MEIOB: variants seen among roughly 807,000 people sequenced by gnomAD.
MEIOB encodes the protein meiosis-specific with OB domain-containing protein.
A neutral mutation model predicts 53.1 loss-of-function variants in MEIOB; 50 were observed. The ratio of observed to expected loss-of-function variants is 0.94; its 90% CI spans 0.75 to 1.19. The LOEUF (loss-of-function observed/expected upper bound fraction) is 1.19. Among genes scored for constraint, MEIOB ranks in the 50% most tolerant of loss-of-function variants. The probability of loss-of-function intolerance (pLI) is 0.00; values close to 1 mark genes in which losing one functional copy is unlikely to be tolerated. For missense variants in MEIOB, 551 were observed against 550.8 expected, an observed-to-expected ratio of 1.00 and a Z score of 0.00; for synonymous variants, 192 against 182.5, an observed-to-expected ratio of 1.05 and a Z score of -0.42.
In MEIOB at chr16:1,854,136, A is replaced by T; in HGVS notation, c.593T>A (p.Leu198His). ...RRKGQRCEVRLYDETESSFAM... is the reference protein window; with the variant it reads ...RRKGQRCEVRHYDETESSFAM... Reference sequence around the variant, plus strand: ...AAAAGACGACTCTGTTTCATCATAGAGTCTAACTTCACACCTCTGGCCTTT... The same window carrying T: ...AAAAGACGACTCTGTTTCATCATAGTGTCTAACTTCACACCTCTGGCCTTT... Residue 198 changes from leucine (L) to histidine (H), a missense_variant, in exon 7 of 14, where the codon CTC becomes CAC. By Grantham distance (99) the Leu-to-His change is moderately conservative. Coordinates refer to ENST00000325962, the MANE Select transcript of MEIOB (RefSeq NM_001163560.3). 6.4e-7 allele frequency: 1 copy of T among 1,551,318 alleles called. No homozygotes were observed. The highest frequency in any genetic ancestry group is 8.7e-7 in the Non-Finnish European group (1 of 1,146,840).
chr16:1,859,854 G>C (rs775101438), intron 5 of MEIOB, among the ~76,000 whole-genome samples: 1 of 152,146 alleles, frequency 6.6e-6, no homozygotes, highest in African/African-American at 2.4e-5. Context: ...TTGGGGAGTG[G>C]ATGGACTACA....
At chr16:1,865,666 T>A (rs1016862497) in intron 3 of MEIOB, 112 bp downstream of exon 3, 9 of 721,916 alleles carry the variant, frequency 1.2e-5, no homozygotes, top group Admixed American at 9.1e-5. Flanking sequence ...GCATGACCAT[T>A]GCTCTTAAGG....
chr16:1,855,930 CCT>C (rs1491202345), intron 6 of MEIOB, among the ~76,000 whole-genome samples: 3 of 62,610 alleles, frequency 4.8e-5, no homozygotes, highest in African/African-American at 3.2e-4. Flanking sequence ...TGTGTTTTTT[CCT>C]TTTTTTTTTT....
chr16:1,843,769 A>T (rs1204771173), intron 10 of MEIOB, among the ~76,000 whole-genome samples: 1 of 151,926 alleles, frequency 6.6e-6, no homozygotes, highest in African/African-American at 2.4e-5. Flanking sequence ...ATTAGTGAGG[A>T]TGTGAAGCAA....
At chr16:1,851,871 G>A (rs1899180068) in intron 9 of MEIOB, among the ~76,000 whole-genome samples, 1 of 152,148 alleles carries the variant, frequency 6.6e-6, no homozygotes, top group East Asian at 1.9e-4. Flanking sequence ...GATGGCAAAG[G>A]ATTGATTACT....
In MEIOB at chr16:1,862,005, C is replaced by G. The variant is rs1378429517; in HGVS notation, c.239G>C (p.Ser80Thr). 1.3e-6 allele frequency: 2 copies of G among 1,551,082 alleles called. No homozygotes were observed. Among genetic ancestry groups the G allele is most frequent in the Non-Finnish European group, 1.7e-6 (2 of 1,146,776 alleles). ...CTTACCACAGTCACCAACCCTAAAG[C>G]TGTCAGAAAGAGACTTGATGTAATC... ...NEDYIKSLSD[S>T]FRVGDCVIIE... The change falls in exon 4 of 14, where the codon AGC becomes ACC. Residue 80 changes from serine to threonine, a missense_variant. Physicochemically the swap from Ser to Thr is moderately conservative, Grantham distance 58 (BLOSUM62 1). Transcript: ENST00000325962.
intron 4 of MEIOB, among the ~76,000 whole-genome samples, 185 bp downstream of exon 4, chr16:1,861,800 G>T (rs1421832975): frequency 6.6e-6 from 1 of 152,066 alleles, no homozygotes; most frequent in Non-Finnish European, 1.5e-5. Flanking sequence ...CTCCCAAAGT[G>T]TTGGGATTAC....
chr16:1,838,290 A>G (rs1898803098), intron 12 of MEIOB, among the ~76,000 whole-genome samples: 1 of 152,114 alleles, frequency 6.6e-6, no homozygotes, highest in Non-Finnish European at 1.5e-5. Context: ...GTGACCCACT[A>G]TGCCCAGCCA....
chr16:1,863,130 A>G (rs1899489584), intron 3 of MEIOB, among the ~76,000 whole-genome samples: 1 of 151,840 alleles, frequency 6.6e-6, no homozygotes. Context: ...GCTGAGGAGG[A>G]AAGGTTGCTT....
chr16:1,860,565 C>A (rs1248519816), intron 4 of MEIOB, 90 bp from the exon 5 acceptor site: 355 of 684,452 alleles, frequency 5.2e-4, no homozygotes, highest in Non-Finnish European at 6.1e-4. Context: ...AATTTATGAT[C>A]ATCATCGACT....
chr16:1,864,482 CTTTTCT>C (rs1342787468), intron 3 of MEIOB, among the ~76,000 whole-genome samples: 62 of 35,404 alleles, frequency 1.8e-3, no homozygotes, highest in African/African-American at 6.3e-3. Flanking sequence ...ATTTCTTTTT[CTTTTCT>C]TTTTTTTTTT....
In MEIOB at chr16:1,867,462, ATTTTTTTTT is replaced by A. The variant is rs869208139; in HGVS notation, c.69+636_69+644del. On this transcript the variant is annotated intron_variant, in intron 2 of 13. Coordinates refer to ENST00000325962, the MANE Select transcript of MEIOB (RefSeq NM_001163560.3). The stretch of plus-strand genomic sequence containing the variant: ...TGCTACTGCTGAACAAAATGGTTTA[ATTTTTTTTT>A]TTTTTTTTTTTTTTTTTTTTTTCAG... Among the ~76,000 whole-genome samples the A allele has an allele frequency of 1.7e-3, 171 of 102,946 alleles. 2 individuals are homozygous for A. The highest frequency in any genetic ancestry group is 1.1e-3 in the Admixed American group (9 of 8,008). The allele number at this position is 102,946 out of a possible 152,430, so 67.5% of individuals were successfully genotyped here.
At chr16:1,853,841 T>C (rs572046850) in intron 7 of MEIOB, among the ~76,000 whole-genome samples, 1 of 152,110 alleles carries the variant, frequency 6.6e-6, no homozygotes, top group South Asian at 2.1e-4. Flanking sequence ...AAAACATCAT[T>C]TGTTACACGA....
intron 13 of MEIOB, among the ~76,000 whole-genome samples, chr16:1,837,356 C>A (rs1442274191): frequency 6.6e-6 from 1 of 152,054 alleles, no homozygotes; most frequent in Non-Finnish European, 1.5e-5. Flanking sequence ...GGGGTGGGGA[C>A]AACCTAGTCT....
At chr16:1,852,309 C>T (rs1253263402) in intron 9 of MEIOB, among the ~76,000 whole-genome samples, 1 of 120,296 alleles carries the variant, frequency 8.3e-6, no homozygotes, top group South Asian at 2.6e-4. Flanking sequence ...TGTCGCCAGG[C>T]TGGAGCGCAG....
chr16:1,848,057 C>T (rs58987215), intron 9 of MEIOB, among the ~76,000 whole-genome samples: 26,524 of 151,816 alleles, frequency 0.17, 2,442 homozygotes, highest in South Asian at 0.26. Flanking sequence ...AAGCGGTCCT[C>T]CTATCTCAGC....
At chr16:1,868,357 G>C (rs946354904) in intron 1 of MEIOB, among the ~76,000 whole-genome samples, 173 bp from the exon 2 acceptor site, 1 of 151,952 alleles carries the variant, frequency 6.6e-6, no homozygotes, top group African/African-American at 2.4e-5. Flanking sequence ...AGGAGTTCAA[G>C]ACCAGCCTGG....
At chr16:1,836,522 G>A (rs1406076859) in intron 13 of MEIOB, among the ~76,000 whole-genome samples, 3 of 147,232 alleles carry the variant, frequency 2.0e-5, no homozygotes, top group African/African-American at 4.9e-5. Context: ...CATGCTAACT[G>A]TTGAAGAGAT....
intron 11 of MEIOB, 45 bp from the exon 12 acceptor site, chr16:1,839,483 A>G: frequency 2.6e-6 from 4 of 1,518,646 alleles, no homozygotes; most frequent in Non-Finnish European, 2.7e-6. Context: ...GCCCTAAGCT[A>G]CAAATTTCAT....
Sources: allele counts gnomAD v4.1 joint callset (sites outside exome capture counted in the v4.1 genomes callset), GRCh38; gene constraint gnomAD v4.1.1; transcripts MANE v1.5; gene names NCBI Gene and HGNC (gene_info 2026-07-23, HGNC 2026-07-21).